Variants in ACBD4 observed in about 807,000 individuals in gnomAD.
The protein encoded by ACBD4 is acyl-CoA-binding domain-containing protein 4.
A neutral mutation model predicts 46.0 loss-of-function variants in ACBD4; 41 were observed. That is an observed-to-expected ratio of 0.89 (90% confidence interval 0.69 to 1.16). The LOEUF (loss-of-function observed/expected upper bound fraction) is 1.16, where lower values mean the gene tolerates loss of function less well. Among genes scored for constraint, ACBD4 ranks in the 50% most tolerant of loss-of-function variants. The pLI, the probability that ACBD4 is intolerant of heterozygous loss-of-function variation, is 0.00. For synonymous variants in ACBD4, 162 were observed against 155.9 expected (o/e 1.04, Z -0.29); for missense variants, 393 against 399.5 (o/e 0.98, Z 0.14).
Position 45,137,010 on chromosome 17 carries a change from C to T in ACBD4, c.295-9C>T. 2 of 1,614,068 alleles carry T rather than the reference C, an allele frequency of 1.2e-6. No homozygotes were observed. The highest frequency in any genetic ancestry group is 2.2e-5 in the South Asian group (2 of 91,082). ...CCACTCCGTCCCCAACAGACCCCCT[C>T]CCCTACAGGTGATCGACACAGTGCC... On this transcript the variant is annotated splice_polypyrimidine_tract_variant and intron_variant, in intron 4 of 9. Coordinates refer to ENST00000321854, the MANE Select transcript of ACBD4 (RefSeq NM_001135705.3).
chr17:45,132,867 G>A (rs898486324), upstream of ACBD4, among the ~76,000 whole-genome samples: 3 of 152,122 alleles, frequency 2.0e-5, no homozygotes, highest in African/African-American at 7.2e-5. This position sits in a 1 kb window ranked among gnomAD's most constrained non-coding sequence, Gnocchi z 4.6. Context: ...TCCCCGTCGC[G>A]CCGCAGGCCT....
chr17:45,138,373 G>C (rs1281567346), intron 8 of ACBD4: 11 of 311,006 alleles, frequency 3.5e-5, no homozygotes, highest in East Asian at 1.4e-4. Flanking sequence ...TAGAACTCCT[G>C]TTGTGTGTCA....
chr17:45,135,344 C>T (rs916230105), upstream of ACBD4: 1 of 152,188 alleles, frequency 6.6e-6, no homozygotes, highest in African/African-American at 2.4e-5. Flanking sequence ...TCCCCAGTGC[C>T]TAAGTGTCTA....
chr17:45,132,115 G>T, upstream of ACBD4: 1 of 998,994 alleles, frequency 1.0e-6, no homozygotes, highest in Non-Finnish European at 1.3e-6. The surrounding 1 kb of genome is among the most constrained non-coding windows in gnomAD (Gnocchi z 4.6). Context: ...GAGGGAGCTG[G>T]CCCTCCGCCC....
intron 5 of ACBD4, 88 bp downstream of exon 5, chr17:45,137,227 GCGA>G: frequency 6.2e-7 from 1 of 1,603,006 alleles, no homozygotes; most frequent in Non-Finnish European, 8.5e-7. Flanking sequence ...AGGGCTCCAG[GCGA>G]CATCCCTGTT....
At chr17:45,141,798 G>A (rs561365369) in intron 9 of ACBD4, among the ~76,000 whole-genome samples, 142 of 152,290 alleles carry the variant, frequency 9.3e-4, no homozygotes, top group African/African-American at 3.2e-3. Context: ...CATGGTTGAA[G>A]GGGGTCTGAT....
In ACBD4 at chr17:45,137,446, C is replaced by G; in HGVS notation, c.494C>G (p.Pro165Arg). 6.2e-7 allele frequency: 1 copy of G among 1,614,084 alleles called. No homozygotes were observed. The highest frequency in any genetic ancestry group is 2.2e-5 in the East Asian group (1 of 44,876). ...TGCCTCCCCAAGGAACCGGCACCCC[C>G]AAGCCCAGGTTAGTGCTTGAGCAGG... ...PPCLPKEPAP[P>R]SPESHSPRDL... is the part of the protein sequence containing the mutation. Residue 165 changes from proline (P) to arginine (R), a missense_variant, in exon 6 of 10, where the codon CCA becomes CGA. Pro to Arg is a moderately radical substitution (Grantham distance 103). Around this residue, in one of 3 missense-constraint regions of ACBD4, gnomAD observed 308 missense variants for 301.8 expected, o/e 1.02. Transcript: ENST00000321854.
upstream of ACBD4, chr17:45,132,335 C>G (rs2054473525): frequency 8.1e-7 from 1 of 1,235,588 alleles, no homozygotes; most frequent in African/African-American, 1.5e-5. This position sits in a 1 kb window ranked among gnomAD's most constrained non-coding sequence, Gnocchi z 4.6. Context: ...GGCGCCGCGA[C>G]TTGGGCTGCG....
In ACBD4 at chr17:45,143,630, C is replaced by T. The variant is rs200509350; in HGVS notation, c.*59C>T. 2.6e-4 allele frequency: 422 copies of T among 1,613,336 alleles called. No individual in the cohort carries two copies. The African/African-American group carries it at 5.1e-3, about 20-fold the overall frequency. Reference sequence around the variant, plus strand: ...ACTATCTTGCTGTGCCCTGAGCCTTCCTAGGGTTTAGAAGAACAGCATTCA... The same window carrying T: ...ACTATCTTGCTGTGCCCTGAGCCTTTCTAGGGTTTAGAAGAACAGCATTCA... On this transcript the variant is annotated 3_prime_UTR_variant, in exon 10 of 10. Transcript: ENST00000321854.
intron 9 of ACBD4, 57 bp from the exon 10 acceptor site, chr17:45,143,386 T>C: frequency 7.1e-7 from 1 of 1,417,714 alleles, no homozygotes; most frequent in Non-Finnish European, 9.4e-7. Context: ...AGCAGGTTCC[T>C]AGGGAGGCTG....
upstream of ACBD4, among the ~76,000 whole-genome samples, chr17:45,131,846 C>T (rs1374952232): frequency 4.6e-5 from 7 of 152,154 alleles, no homozygotes; most frequent in African/African-American, 7.2e-5. Context: ...GGAGGCCGAC[C>T]GCAAACTCGC....
chr17:45,136,510 C>T lies in ACBD4; in HGVS notation c.99C>T (p.Arg33=). 6.2e-7 allele frequency: 1 copy of T among 1,613,074 alleles called. No individual in the cohort carries two copies. Among genetic ancestry groups the T allele is most frequent in the Non-Finnish European group, 8.5e-7 (1 of 1,179,494 alleles). The change falls in exon 3 of 10, where the codon CGC becomes CGT. Residue 33 remains arginine, a synonymous_variant. Transcript: ENST00000321854. ...CAACTCTCTGCCCAGGTTCTTACCGCCCCTCCTATGAAGAGATGCTGCGAT... is the reference window on the plus strand; with the variant it reads ...CAACTCTCTGCCCAGGTTCTTACCGTCCCTCCTATGAAGAGATGCTGCGAT... ...IQNLPKNGSY[R]PSYEEMLRFY...
At chr17:45,140,669 A>AG (rs1487164723) in intron 9 of ACBD4, among the ~76,000 whole-genome samples, 6 of 150,856 alleles carry the variant, frequency 4.0e-5, no homozygotes, top group African/African-American at 1.2e-4. Context: ...AAAAAAAAAA[A>AG]AAAAGATTCT....
chr17:45,137,577 G>A, intron 6 of ACBD4, 123 bp downstream of exon 6: 4 of 1,376,190 alleles, frequency 2.9e-6, no homozygotes, highest in East Asian at 4.6e-5. Context: ...CAAAGGTGGG[G>A]ACCGGGGTCT....
At chr17:45,139,731 G>A (rs1034463058) in intron 9 of ACBD4, among the ~76,000 whole-genome samples, 11 of 152,172 alleles carry the variant, frequency 7.2e-5, no homozygotes, top group African/African-American at 2.2e-4. Flanking sequence ...TTTTAGAGAG[G>A]GAAACTAAAG....
chr17:45,137,386 T>C lies in ACBD4; in HGVS notation c.434T>C (p.Val145Ala), dbSNP rs1397700140. 2 of 1,613,830 alleles carry C rather than the reference T, an allele frequency of 1.2e-6. No individual in the cohort carries two copies. The highest frequency in any genetic ancestry group is 1.3e-5 in the African/African-American group (1 of 74,836). ...RRVTGWKEQV[V>A]NGDVGAVSEP... is the part of the protein sequence containing the mutation. ...TTGGCAGGTTGGAAAGAGCAGGTTG[T>C]GAATGGAGATGTTGGGGCTGTTTCA... Residue 145 changes from valine to alanine, a missense_variant, in exon 6 of 10, where the codon GTG (valine) becomes GCG (alanine). Val to Ala is a moderately conservative substitution (Grantham distance 64). Around this residue, in one of 3 missense-constraint regions of ACBD4, gnomAD observed 308 missense variants for 301.8 expected, o/e 1.02. Transcript: ENST00000321854.
In ACBD4 at chr17:45,139,143, C is replaced by T. The variant is rs2055096205; in HGVS notation, c.772C>T (p.Pro258Ser). 6.2e-7 allele frequency: 1 copy of T among 1,613,558 alleles called. No individual in the cohort carries two copies. The highest frequency in any genetic ancestry group is 8.5e-7 in the Non-Finnish European group (1 of 1,179,966). ...QARVQSLESM[P>S]RPPEQRPQPR... ...GAGGGTGCAGAGCCTGGAGAGCATG[C>T]CCCGGCCCCCTGAGCAGGTAGAGTC... Residue 258 changes from proline (P) to serine (S), a missense_variant, in exon 9 of 10, where the codon CCC becomes TCC. Pro to Ser is a moderately conservative substitution (Grantham distance 74). Transcript: ENST00000321854.
chr17:45,137,462 C>T lies in ACBD4; in HGVS notation c.502+8C>T. 2 of 1,613,924 alleles carry T rather than the reference C, an allele frequency of 1.2e-6. No homozygotes were observed. Among genetic ancestry groups the T allele is most frequent in the Non-Finnish European group, 1.7e-6 (2 of 1,179,938 alleles). On this transcript the variant is annotated splice_region_variant and intron_variant, in intron 6 of 9. Coordinates refer to ENST00000321854, the MANE Select transcript of ACBD4 (RefSeq NM_001135705.3). Reference sequence around the variant, plus strand: ...CGGCACCCCCAAGCCCAGGTTAGTGCTTGAGCAGGAGGGGTGGACCAAACT... The same window carrying T: ...CGGCACCCCCAAGCCCAGGTTAGTGTTTGAGCAGGAGGGGTGGACCAAACT...
At chr17:45,133,037 T>A (rs1324939081), upstream of ACBD4, 1 of 152,312 alleles carries the variant, frequency 6.6e-6, no homozygotes, top group African/African-American at 2.4e-5. Context: ...CCAGGCCAGG[T>A]GCTGCCCCCT....
Sources: allele counts gnomAD v4.1 joint callset (sites outside exome capture counted in the v4.1 genomes callset), GRCh38; gene constraint gnomAD v4.1.1; regional missense constraint gnomAD v4.1.1; non-coding constraint Gnocchi (gnomAD v3.1); transcripts MANE v1.5; gene names NCBI Gene and HGNC (gene_info 2026-07-23, HGNC 2026-07-21).